RBFOX3: variants seen among roughly 807,000 people sequenced by gnomAD.
RBFOX3 encodes the protein RNA binding fox-1 homolog 3.
Under a neutral mutation model 48.7 loss-of-function variants are expected in RBFOX3, and 17 were observed. The ratio of observed to expected loss-of-function variants is 0.35; its 90% CI spans 0.24 to 0.52. The LOEUF is 0.52. Ranked by LOEUF, RBFOX3 falls within the 20% of genes least tolerant of loss-of-function variation. RBFOX3 has a pLI of 0.94. For synonymous variants in RBFOX3, 212 were observed against 209.5 expected (o/e 1.01, Z -0.10); for missense variants, 382 against 497.5 (o/e 0.77, Z 2.21).
intron 3 of RBFOX3, among the ~76,000 whole-genome samples, chr17:79,257,216 C>T (rs2065019902): frequency 6.6e-6 from 1 of 152,194 alleles, no homozygotes; most frequent in Admixed American, 6.5e-5. Context: ...AGTCCCTCTG[C>T]CAGCAGGTGC....
At position 79,214,988 on chromosome 17, in the gene RBFOX3, C is replaced by G. The variant is rs1166537792; in HGVS notation, c.-34+20778G>C. 6.6e-6 allele frequency among the ~76,000 whole-genome samples: 1 copy of G among 152,152 alleles called. No individual in the cohort carries two copies. Among genetic ancestry groups the G allele is most frequent in the East Asian group, 1.9e-4 (1 of 5,176 alleles). On this transcript the variant is annotated intron_variant, in intron 4 of 14. Transcript: ENST00000693108. The surrounding 1 kb of genome is among the most constrained non-coding windows in gnomAD (Gnocchi z 4.7). ...ATTATGAAGCCACCCGCTGGTGCTG[C>G]CCCCACACCCGTCACTCCTGCACAA...
At chr17:79,179,931 G>A (rs1446547947) in intron 4 of RBFOX3, among the ~76,000 whole-genome samples, 1 of 152,232 alleles carries the variant, frequency 6.6e-6, no homozygotes, top group Non-Finnish European at 1.5e-5. Context: ...AGGGAGCTAG[G>A]CCGGCGCCCA....
At position 79,270,332 on chromosome 17, in the gene RBFOX3, A is replaced by G. The variant is rs143957484; in HGVS notation, c.-73-34527T>C. The stretch of plus-strand genomic sequence containing the variant: ...TCTCTGCAGGTGTACTGACCTGTCC[A>G]CTGGGGTCCCTCAGATACCCAAACC... On this transcript the variant is annotated intron_variant, in intron 3 of 14. Coordinates refer to ENST00000693108, the MANE Select transcript of RBFOX3 (RefSeq NM_001350451.2). Among the ~76,000 whole-genome samples, 10 of 152,038 alleles carry G rather than the reference A, an allele frequency of 6.6e-5. No individual in the cohort carries two copies. In the East Asian group the frequency reaches 1.9e-3, roughly 29 times the overall value.
At chr17:79,440,942 A>C (rs1555734496) in intron 2 of RBFOX3, among the ~76,000 whole-genome samples, 4 of 152,218 alleles carry the variant, frequency 2.6e-5, no homozygotes, top group Non-Finnish European at 5.9e-5. Flanking sequence ...GGTGAGTCGG[A>C]ACCAGATCAG....
At chr17:79,609,770 C>T (rs1173661634) in intron 1 of RBFOX3, among the ~76,000 whole-genome samples, 1 of 151,960 alleles carries the variant, frequency 6.6e-6, no homozygotes, top group Non-Finnish European at 1.5e-5. Flanking sequence ...CACTGCAGGG[C>T]TGCGCGCCAG....
At chr17:79,414,068 G>A (rs1033389557) in intron 2 of RBFOX3, among the ~76,000 whole-genome samples, 4 of 152,076 alleles carry the variant, frequency 2.6e-5, no homozygotes, top group African/African-American at 4.8e-5. Flanking sequence ...CCACCAGCTC[G>A]GCTGGCCTCG....
At chr17:79,112,167 T>C (rs564954624) in intron 5 of RBFOX3, among the ~76,000 whole-genome samples, 2 of 152,206 alleles carry the variant, frequency 1.3e-5, no homozygotes, top group East Asian at 3.9e-4. Flanking sequence ...GGAAAGTCAC[T>C]GGGGGTGGTC....
At chr17:79,450,666 T>C (rs945147508) in intron 2 of RBFOX3, among the ~76,000 whole-genome samples, 4 of 152,124 alleles carry the variant, frequency 2.6e-5, no homozygotes, top group Non-Finnish European at 4.4e-5. Flanking sequence ...CACCTGTATA[T>C]GGGCCTAAGG....
chr17:79,645,598 C>A, the RBFOX3 span, among the ~76,000 whole-genome samples: 1 of 152,212 alleles, frequency 6.6e-6, no homozygotes, highest in African/African-American at 2.4e-5. Context: ...GGTCTGCCAA[C>A]TTCCCAGTCC....
At chr17:79,496,282 C>T (rs1467620088) in intron 1 of RBFOX3, among the ~76,000 whole-genome samples, 3 of 152,014 alleles carry the variant, frequency 2.0e-5, no homozygotes, top group Non-Finnish European at 2.9e-5. Context: ...GAATGACCAG[C>T]GCTCCTAAAG....
intron 2 of RBFOX3, among the ~76,000 whole-genome samples, chr17:79,431,487 A>ATTTTT (rs10633689): frequency 8.2e-6 from 1 of 121,420 alleles, no homozygotes; most frequent in African/African-American, 3.2e-5. Context: ...TGCCTGGCTA[A>ATTTTT]TTTTTTTTTT....
rs1417213240 is a variant in RBFOX3 at position 79,405,547 on chromosome 17, C to G, written c.-175+76907G>C. Among the ~76,000 whole-genome samples the G allele has an allele frequency of 2.0e-5, 3 of 151,998 alleles. No individual in the cohort carries two copies. In the East Asian group the frequency reaches 5.8e-4, roughly 29 times the overall value. On this transcript the variant is annotated intron_variant, in intron 2 of 14. Coordinates refer to ENST00000693108, the MANE Select transcript of RBFOX3 (RefSeq NM_001350451.2). ...ACCAGCCTGGGCAACATGGCGAAACCCTGTCTGTACTAAAAACACAAAAAT... is the reference window on the plus strand; with the variant it reads ...ACCAGCCTGGGCAACATGGCGAAACGCTGTCTGTACTAAAAACACAAAAAT...
intron 4 of RBFOX3, among the ~76,000 whole-genome samples, chr17:79,153,403 G>A (rs534019782): frequency 7.3e-4 from 111 of 152,316 alleles, no homozygotes; most frequent in African/African-American, 2.5e-3. Context: ...TTCTCTCCAC[G>A]AGAAGCCCAT....
At chr17:79,627,645 T>TC in the RBFOX3 span, among the ~76,000 whole-genome samples, 2 of 152,176 alleles carry the variant, frequency 1.3e-5, no homozygotes, top group African/African-American at 2.4e-5. Context: ...CAAAACCTCT[T>TC]CCTGCTTCTC....
chr17:79,420,123 T>TCACACACACA (rs1491201396), intron 2 of RBFOX3, among the ~76,000 whole-genome samples: 1 of 62,050 alleles, frequency 1.6e-5, no homozygotes, highest in African/African-American at 7.2e-5. Context: ...CAAGACTCCG[T>TCACACACACA]CTCATACACA....
At chr17:79,621,850 C>T in the RBFOX3 span, among the ~76,000 whole-genome samples, 38 of 151,632 alleles carry the variant, frequency 2.5e-4, no homozygotes, top group African/African-American at 8.7e-4. Flanking sequence ...TGGCTGCTCT[C>T]ACCCGTGTGA....
rs2047330753 is a variant in RBFOX3, at chr17:79,163,268, C to T, written c.-33-47520G>A. On this transcript the variant is annotated intron_variant, in intron 4 of 14. Transcript: ENST00000693108. ...CACCAAGTGTCACAGAGGAGGCAAC[C>T]GCTCCTGCCCCGCCTGGGGAAAGCC... 2.0e-5 allele frequency among the ~76,000 whole-genome samples: 3 copies of T among 152,208 alleles called. No homozygotes were observed. In the South Asian group the frequency reaches 6.2e-4, roughly 31 times the overall value.
At chr17:79,163,728 G>A (rs1335008797) in intron 4 of RBFOX3, among the ~76,000 whole-genome samples, 2 of 151,652 alleles carry the variant, frequency 1.3e-5, no homozygotes, top group African/African-American at 2.4e-5. Context: ...TGGCTGATGC[G>A]GAAGCTTTGC....
chr17:79,440,437 C>A (rs922842075), intron 2 of RBFOX3, among the ~76,000 whole-genome samples: 1 of 152,142 alleles, frequency 6.6e-6, no homozygotes, highest in Non-Finnish European at 1.5e-5. Context: ...CAGCTCCCTG[C>A]CAGCTGGGGC....
Sources: gnomAD v4.1 joint callset for allele counts (sites outside exome capture counted in the v4.1 genomes callset) on GRCh38, gnomAD v4.1.1 for gene constraint, Gnocchi (gnomAD v3.1) non-coding constraint, MANE v1.5 for transcripts, NCBI Gene and HGNC (gene_info 2026-07-23, HGNC 2026-07-21) for gene names.